The following XKR6 variants were observed in gnomAD, a reference collection of about 807,000 sequenced individuals.
XKR6 encodes XK-related protein 6.
Under a neutral mutation model 56.7 loss-of-function variants are expected in XKR6, and 22 were observed. The ratio of observed to expected loss-of-function variants is 0.39; its 90% CI spans 0.28 to 0.55. XKR6 has a LOEUF of 0.55. XKR6 is among the 20% of genes least tolerant of loss of function. The pLI, the probability that XKR6 is intolerant of heterozygous loss-of-function variation, is 0.66. For missense variants in XKR6, 852 were observed against 889.0 expected, an observed-to-expected ratio of 0.96 and a Z score of 0.53; for synonymous variants, 524 against 387.8, an observed-to-expected ratio of 1.35 and a Z score of -4.13.
chr8:11,092,549 G>C (rs886283184), intron 1 of XKR6, among the ~76,000 whole-genome samples: 1 of 152,120 alleles, frequency 6.6e-6, no homozygotes, highest in African/African-American at 2.4e-5. Context: ...GGGACAGGGG[G>C]TATCCCGGGT....
Position 10,897,846 on chromosome 8 carries a change from T to TGGC in XKR6, c.*103_*105dup. 7.1e-7 allele frequency: 1 copy of TGGC among 1,401,588 alleles called. No homozygotes were observed. Among genetic ancestry groups the TGGC allele is most frequent in the Non-Finnish European group, 9.4e-7 (1 of 1,059,324 alleles). 86.8% of individuals were successfully genotyped at this position (1,401,588 alleles called of 1,614,324 possible). ...GTTGGTGTGGCGGTGTTGGTGGTGG[T>TGGC]GGCGGTGGTTCTGTGTATTGGGGGA... On this transcript the variant is annotated 3_prime_UTR_variant, in exon 3 of 3. Transcript: ENST00000416569.
chr8:10,931,655 T>G (rs1461573839), intron 1 of XKR6, among the ~76,000 whole-genome samples: 1 of 152,098 alleles, frequency 6.6e-6, no homozygotes, highest in Non-Finnish European at 1.5e-5. Context: ...ATGTTGATAG[T>G]CTTTTCAACA....
intron 1 of XKR6, among the ~76,000 whole-genome samples, chr8:11,090,325 T>G (rs984779359): frequency 6.6e-6 from 1 of 152,168 alleles, no homozygotes; most frequent in Non-Finnish European, 1.5e-5. Flanking sequence ...TGGACTCAAG[T>G]GATCCTCCCC....
intron 1 of XKR6, among the ~76,000 whole-genome samples, chr8:10,959,050 G>A (rs762052801): frequency 5.3e-5 from 8 of 152,226 alleles, no homozygotes; most frequent in Non-Finnish European, 7.3e-5. Context: ...AGAGTGTGAC[G>A]CTGACACTCT....
chr8:11,031,062 C>T (rs1798981826), intron 1 of XKR6, among the ~76,000 whole-genome samples: 1 of 152,188 alleles, frequency 6.6e-6, no homozygotes, highest in Non-Finnish European at 1.5e-5. Flanking sequence ...CAGCTAACTG[C>T]TCCCTTCCTT....
Position 11,200,978 on chromosome 8 carries a change from T to TGCGGCG in XKR6, c.356_361dup (p.Pro119_Pro120dup). On this transcript the variant is annotated inframe_insertion, in exon 1 of 3. Coordinates refer to ENST00000416569, the MANE Select transcript of XKR6 (RefSeq NM_173683.4). This position sits in a 1 kb window ranked among gnomAD's most constrained non-coding sequence, Gnocchi z 6.4. Reference sequence around the variant, plus strand: ...GCAGTCGAGCCACGGCCGCTCCACCTGCGGCGGCGGCGGCTCCGGCCGCGC... The same window carrying TGCGGCG: ...GCAGTCGAGCCACGGCCGCTCCACCTGCGGCGGCGGCGGCGGCGGCTCCGGCCGCGC... The TGCGGCG allele has an allele frequency of 4.0e-6, 6 of 1,490,596 alleles. No homozygotes were observed. The highest frequency in any genetic ancestry group is 5.4e-6 in the Non-Finnish European group (6 of 1,120,498). 92.3% of individuals were successfully genotyped at this position (1,490,596 alleles called of 1,614,324 possible).
At chr8:11,190,812 G>A (rs1803532725) in intron 1 of XKR6, among the ~76,000 whole-genome samples, 1 of 152,160 alleles carries the variant, frequency 6.6e-6, no homozygotes, top group African/African-American at 2.4e-5. Flanking sequence ...CTCCACCAGT[G>A]CCATAGGTTA....
At chr8:10,963,098 G>A (rs572337216) in intron 1 of XKR6, among the ~76,000 whole-genome samples, 4 of 152,278 alleles carry the variant, frequency 2.6e-5, no homozygotes, top group Admixed American at 6.5e-5. Context: ...AGCACATCCC[G>A]CTTCTCCTCT....
At chr8:11,028,591 T>C (rs1052686738) in intron 1 of XKR6, among the ~76,000 whole-genome samples, 6 of 152,160 alleles carry the variant, frequency 3.9e-5, no homozygotes, top group African/African-American at 1.2e-4. Context: ...CTCATTGCCA[T>C]GTTATTCTTG....
chr8:11,019,365 G>A (rs560556916), intron 1 of XKR6, among the ~76,000 whole-genome samples: 2 of 152,330 alleles, frequency 1.3e-5, no homozygotes, highest in South Asian at 4.1e-4. Flanking sequence ...CCCTGGTAAA[G>A]ACACAAGAAC....
chr8:11,012,817 A>T (rs1227661122), intron 1 of XKR6, among the ~76,000 whole-genome samples: 1 of 152,162 alleles, frequency 6.6e-6, no homozygotes, highest in East Asian at 1.9e-4. Flanking sequence ...ATGTCAGGCC[A>T]TGTCTAATCA....
At chr8:11,121,872 C>T (rs1034526165) in intron 1 of XKR6, among the ~76,000 whole-genome samples, 1 of 152,190 alleles carries the variant, frequency 6.6e-6, no homozygotes. Flanking sequence ...ATGATGAGTT[C>T]ATGTCCTTTG....
In XKR6 at chr8:11,194,811, T is replaced by G. The variant is rs1303993417; in HGVS notation, c.764+5765A>C. On this transcript the variant is annotated intron_variant, in intron 1 of 2. Transcript: ENST00000416569. ...GAAATGAACAACTTGTGACTTCTAGTAAGCACCTGCCTGCTAGATTTCAGG... is the reference window on the plus strand; with the variant it reads ...GAAATGAACAACTTGTGACTTCTAGGAAGCACCTGCCTGCTAGATTTCAGG... The G allele has an allele frequency of 7.0e-5, 24 of 340,504 alleles. No homozygotes were observed. In the Admixed American group the frequency reaches 1.1e-3, roughly 15 times the overall value. The allele number at this position is 340,504 out of a possible 1,614,324, so 21.1% of individuals were successfully genotyped here. A position where few individuals can be genotyped will look rare whatever the true frequency, so the allele number is the denominator to read the frequency against.
At chr8:10,991,544 A>G (rs938648870) in intron 1 of XKR6, among the ~76,000 whole-genome samples, 1 of 152,202 alleles carries the variant, frequency 6.6e-6, no homozygotes, top group Non-Finnish European at 1.5e-5. Flanking sequence ...CGGGGTTGCC[A>G]TAGGTCTTAA....
chr8:11,090,248 C>A (rs1385727223), intron 1 of XKR6, among the ~76,000 whole-genome samples: 2 of 152,062 alleles, frequency 1.3e-5, no homozygotes, highest in African/African-American at 4.8e-5. Flanking sequence ...ACAGGCCCTG[C>A]TGAGTTTTAG....
intron 1 of XKR6, among the ~76,000 whole-genome samples, chr8:10,996,611 C>T (rs184798505): frequency 3.2e-4 from 49 of 152,078 alleles, no homozygotes; most frequent in Admixed American, 2.9e-3. Flanking sequence ...CTACAAGTGG[C>T]GTAAATGGGA....
intron 1 of XKR6, chr8:11,002,495 C>A: frequency 2.6e-6 from 1 of 381,442 alleles, no homozygotes; most frequent in Non-Finnish European, 5.5e-6. Context: ...AGAATCAAAG[C>A]CAACCGATAC....
chr8:11,004,618 T>G (rs1798324045), intron 1 of XKR6, among the ~76,000 whole-genome samples: 1 of 152,224 alleles, frequency 6.6e-6, no homozygotes, highest in Non-Finnish European at 1.5e-5. Flanking sequence ...CAAAACTTGT[T>G]GCTCATCCAC....
chr8:11,137,063 T>C (rs1010169848), intron 1 of XKR6: 8 of 153,666 alleles, frequency 5.2e-5, no homozygotes, highest in African/African-American at 1.9e-4. Context: ...ACTACAAATG[T>C]GCGTGAAATT....
Sources: allele counts gnomAD v4.1 joint callset (sites outside exome capture counted in the v4.1 genomes callset), GRCh38; gene constraint gnomAD v4.1.1; non-coding constraint Gnocchi (gnomAD v3.1); transcripts MANE v1.5; gene names NCBI Gene and HGNC (gene_info 2026-07-23, HGNC 2026-07-21).